Variants in FAM153A observed in about 807,000 individuals in gnomAD.
The protein encoded by FAM153A is family with sequence similarity 153 member A.
FAM153A carries 12 observed loss-of-function variants against 48.1 expected under a neutral mutation model. That is an observed-to-expected ratio of 0.25 (90% CI 0.16 to 0.40). The LOEUF is 0.40. Among genes scored for constraint, FAM153A ranks in the 10% least tolerant of loss-of-function variants. The pLI, the probability that FAM153A is intolerant of heterozygous loss-of-function variation, is 1.00. For missense variants in FAM153A, 111 were observed against 345.8 expected, an observed-to-expected ratio of 0.32 and a Z score of 5.38; for synonymous variants, 36 against 118.2, an observed-to-expected ratio of 0.30 and a Z score of 4.51.
chr5:177,732,243 G>T lies in FAM153A; in HGVS notation c.761-143C>A, dbSNP rs1181632282. 1,395 of 353,230 alleles carry T rather than the reference G, an allele frequency of 3.9e-3. 20 individuals are homozygous for T. Among genetic ancestry groups the T allele is most frequent in the African/African-American group, 0.031 (1,278 of 40,770 alleles). 21.9% of individuals were successfully genotyped at this position (353,230 alleles called of 1,614,324 possible). ...AGCTGCTGCCGGTCCATCCTCCATG[G>T]TGGAGAGGGAAGGCAAATGGTGAAG... On this transcript the variant is annotated intron_variant, in intron 14 of 20. Transcript: ENST00000614127.
At chr5:177,748,102 C>T (rs1350577813) in intron 3 of FAM153A, among the ~76,000 whole-genome samples, 4 of 115,750 alleles carry the variant, frequency 3.5e-5, no homozygotes, top group African/African-American at 9.3e-5. Flanking sequence ...AGTACAGTGT[C>T]ATGATCATGG....
chr5:177,752,615 T>G, intron 1 of FAM153A, among the ~76,000 whole-genome samples: 1 of 47,744 alleles, frequency 2.1e-5, no homozygotes, highest in African/African-American at 1.3e-4. Flanking sequence ...AATGAGACTC[T>G]GCCAAAAAAA....
intron 18 of FAM153A, among the ~76,000 whole-genome samples, chr5:177,725,514 C>T (rs1434341756): frequency 6.6e-6 from 1 of 151,662 alleles, no homozygotes; most frequent in African/African-American, 2.4e-5. Flanking sequence ...AGCTCCTTGT[C>T]CCAGTTGCCT....
At chr5:177,716,780 A>G (rs1470752215) in intron 24 of FAM153A, among the ~76,000 whole-genome samples, 2 of 151,952 alleles carry the variant, frequency 1.3e-5, no homozygotes, top group Non-Finnish European at 2.9e-5. Flanking sequence ...AACAAAAATC[A>G]AGAGGACTAA....
chr5:177,713,108 A>G (rs1251969151), exon 27 of FAM153A: 2 of 151,998 alleles, frequency 1.3e-5, no homozygotes, highest in African/African-American at 4.9e-5. Context: ...TGAATAAATG[A>G]CTTCATCTTT....
At chr5:177,753,246 A>C (rs1767283644), upstream of FAM153A, 3 of 1,587,498 alleles carry the variant, frequency 1.9e-6, no homozygotes, top group Non-Finnish European at 2.6e-6. Context: ...TTTACTGCCA[A>C]CGTTCAGTTG....
intron 6 of FAM153A, among the ~76,000 whole-genome samples, chr5:177,743,612 G>A (rs1460433487): frequency 9.9e-6 from 1 of 100,814 alleles, no homozygotes; most frequent in Non-Finnish European, 2.0e-5. Context: ...AGCAGAACTC[G>A]CTGTAGCATG....
At chr5:177,695,679 A>C in the FAM153A span, among the ~76,000 whole-genome samples, 1 of 151,624 alleles carries the variant, frequency 6.6e-6, no homozygotes, top group African/African-American at 2.4e-5. Context: ...ACACAGTAAC[A>C]ATCTGATCTC....
At chr5:177,738,933 C>A (rs868007155) in intron 10 of FAM153A, among the ~76,000 whole-genome samples, 180 bp downstream of exon 12, 15 of 150,466 alleles carry the variant, frequency 1.0e-4, no homozygotes, top group Middle Eastern at 6.9e-3. Context: ...CGGCAGCTAA[C>A]AGAGACTACG....
Position 177,739,017 on chromosome 5 carries a change from A to G in FAM153A, c.562+96T>C. ...CCCCATTTTCCAATAGGAAGCTCCA[A>G]TGAGAGTGGTTCTCCAGAAAACGCA... On this transcript the variant is annotated intron_variant, in intron 10 of 20. Coordinates refer to ENST00000614127, the Ensembl canonical transcript of FAM153A. 6 of 1,003,556 alleles carry G rather than the reference A, an allele frequency of 6.0e-6. No homozygotes were observed. The South Asian group carries it at 9.1e-5, about 15-fold the overall frequency. 62.2% of individuals were successfully genotyped at this position (1,003,556 alleles called of 1,614,324 possible). A position where few individuals can be genotyped will look rare whatever the true frequency, so the allele number is the denominator to read the frequency against.
chr5:177,753,049 C>T, intron 1 of FAM153A: 3 of 602,810 alleles, frequency 5.0e-6, no homozygotes, highest in South Asian at 4.2e-5. Context: ...AACTCTGAAA[C>T]ATATTTATAA....
chr5:177,755,509 G>T (rs1344682568), upstream of FAM153A, among the ~76,000 whole-genome samples: 1 of 151,682 alleles, frequency 6.6e-6, no homozygotes, highest in Non-Finnish European at 1.5e-5. Flanking sequence ...TCCTCGAGAA[G>T]AGGAACTCCA....
intron 1 of FAM153A, among the ~76,000 whole-genome samples, chr5:177,762,577 G>A (rs1768392072): frequency 6.7e-6 from 1 of 149,896 alleles, no homozygotes; most frequent in African/African-American, 2.5e-5. Flanking sequence ...GGTCCCAGGC[G>A]GGGCTGACAT....
chr5:177,705,803 G>A (rs969203691), downstream of FAM153A, among the ~76,000 whole-genome samples: 4 of 150,442 alleles, frequency 2.7e-5, no homozygotes, highest in African/African-American at 9.9e-5. Context: ...GAGATTACAG[G>A]TGCACACCAC....
chr5:177,710,846 G>A (rs1395022267), downstream of FAM153A, among the ~76,000 whole-genome samples: 1 of 148,648 alleles, frequency 6.7e-6, no homozygotes, highest in Non-Finnish European at 1.5e-5. Context: ...CAGTAAAGAC[G>A]GGGTTTCACC....
At chr5:177,746,597 A>G (rs1365982545) in intron 4 of FAM153A, among the ~76,000 whole-genome samples, 1 of 151,190 alleles carries the variant, frequency 6.6e-6, no homozygotes, top group African/African-American at 2.5e-5. Context: ...TTATCCTACC[A>G]TTTAAAGATG....
intron 13 of FAM153A, among the ~76,000 whole-genome samples, chr5:177,734,605 C>T (rs556861422): frequency 1.4e-5 from 2 of 139,762 alleles, no homozygotes; most frequent in Admixed American, 7.0e-5. Flanking sequence ...TCCATGTTGG[C>T]TGGCAAGTAG....
At chr5:177,751,583 G>T (rs1273482022) in intron 1 of FAM153A, among the ~76,000 whole-genome samples, 1 of 141,556 alleles carries the variant, frequency 7.1e-6, no homozygotes, top group African/African-American at 2.7e-5. Flanking sequence ...TTTCATTCTT[G>T]ACATGGGTCT....
chr5:177,729,613 T>A (rs1347066781), intron 16 of FAM153A, 58 bp from the exon 19 acceptor site: 2 of 1,606,868 alleles, frequency 1.2e-6, no homozygotes, highest in African/African-American at 1.4e-5. Context: ...CCTCAGGTGG[T>A]CTTGGAGCTG....
Sources: allele counts gnomAD v4.1 joint callset (sites outside exome capture counted in the v4.1 genomes callset), GRCh38; gene constraint gnomAD v4.1.1; transcripts MANE v1.5; gene names NCBI Gene and HGNC (gene_info 2026-07-23, HGNC 2026-07-21).